PKIB: variants seen among roughly 807,000 people sequenced by gnomAD.
PKIB encodes the protein PKI-beta.
A neutral mutation model predicts 4.5 loss-of-function variants in PKIB; 2 were observed. The observed-to-expected ratio is 0.44, with a 90% CI of 0.18 to 1.39. The LOEUF is 1.39. PKIB is among the 40% of genes most tolerant of loss of function. PKIB has a pLI of 0.27. For synonymous variants in PKIB, 38 were observed against 36.0 expected, an observed-to-expected ratio of 1.06 and a Z score of -0.20; for missense variants, 94 against 92.6, an observed-to-expected ratio of 1.02 and a Z score of -0.06.
chr6:122,611,519 G>GA (rs1774754683), intron 1 of PKIB, among the ~76,000 whole-genome samples: 1 of 152,022 alleles, frequency 6.6e-6, no homozygotes, highest in African/African-American at 2.4e-5. Context: ...CGTTCATCTA[G>GA]AAAAAAAATT....
chr6:122,510,292 C>T (rs1439432407), intron 2 of PKIB, among the ~76,000 whole-genome samples: 1 of 152,040 alleles, frequency 6.6e-6, no homozygotes, highest in African/African-American at 2.4e-5. Flanking sequence ...GTATGTCATC[C>T]ATATAATGAA....
At chr6:122,683,335 T>A (rs1419972475) in intron 3 of PKIB, among the ~76,000 whole-genome samples, 1 of 152,070 alleles carries the variant, frequency 6.6e-6, no homozygotes, top group Non-Finnish European at 1.5e-5. Context: ...GGAACAGTCA[T>A]GTCACATGGC....
intron 3 of PKIB, among the ~76,000 whole-genome samples, chr6:122,704,888 A>G (rs1232637163): frequency 6.6e-6 from 1 of 152,008 alleles, no homozygotes; most frequent in Non-Finnish European, 1.5e-5. Context: ...CCATCCTTCA[A>G]CTCTACAAAA....
intron 3 of PKIB, among the ~76,000 whole-genome samples, chr6:122,692,168 C>A (rs1351610781): frequency 6.6e-6 from 1 of 152,158 alleles, no homozygotes; most frequent in Non-Finnish European, 1.5e-5. Context: ...TGAGTCTTGC[C>A]CAAGGCCCGC....
At chr6:122,598,525 T>C (rs1427200052) in intron 3 of PKIB, among the ~76,000 whole-genome samples, 1 of 152,284 alleles carries the variant, frequency 6.6e-6, no homozygotes, top group East Asian at 1.9e-4. Flanking sequence ...AGATCTGACA[T>C]ACAGAGAAGA....
rs1240124446 is a variant in PKIB at position 122,720,035 on chromosome 6, T to C, written c.169+2072T>C. On this transcript the variant is annotated intron_variant, in intron 4 of 4. Transcript: ENST00000368452. ...AGCTAAGCATAGATGTTATTATGAA[T>C]TTTAAAATGAATGGTTTCCAGTTGC... 2.0e-5 allele frequency among the ~76,000 whole-genome samples: 3 copies of C among 152,192 alleles called. No individual in the cohort carries two copies. In the South Asian group the frequency reaches 6.2e-4, roughly 31 times the overall value.
At chr6:122,586,655 C>G (rs1343652019) in intron 3 of PKIB, among the ~76,000 whole-genome samples, 1 of 152,128 alleles carries the variant, frequency 6.6e-6, no homozygotes, top group African/African-American at 2.4e-5. Flanking sequence ...CCCTGTACTT[C>G]CCCTCTACTG....
At chr6:122,609,978 A>G (rs1774679524), upstream of PKIB, among the ~76,000 whole-genome samples, 1 of 152,170 alleles carries the variant, frequency 6.6e-6, no homozygotes, top group Non-Finnish European at 1.5e-5. Flanking sequence ...GGCAACCTTA[A>G]TGACACCTGG....
chr6:122,551,818 T>G (rs1772681205), intron 2 of PKIB, among the ~76,000 whole-genome samples: 1 of 147,470 alleles, frequency 6.8e-6, no homozygotes, highest in African/African-American at 2.5e-5. Flanking sequence ...CTGGGTTAAA[T>G]GAGAGTAATC....
intron 3 of PKIB, among the ~76,000 whole-genome samples, chr6:122,598,508 C>T (rs1382605343): frequency 6.6e-6 from 1 of 152,158 alleles, no homozygotes; most frequent in Non-Finnish European, 1.5e-5. Flanking sequence ...CTGCGGTTCC[C>T]ACCATTAGAT....
At chr6:122,716,117 A>G (rs1438978817) in intron 3 of PKIB, among the ~76,000 whole-genome samples, 1 of 152,190 alleles carries the variant, frequency 6.6e-6, no homozygotes, top group Non-Finnish European at 1.5e-5. Context: ...ATTAAATGGG[A>G]TACACAAGAA....
chr6:122,640,198 G>C (rs545151961), intron 2 of PKIB, among the ~76,000 whole-genome samples: 1 of 152,114 alleles, frequency 6.6e-6, no homozygotes, highest in South Asian at 2.1e-4. Flanking sequence ...ATGTCATCTT[G>C]GGAAACATTT....
At chr6:122,643,942 G>T (rs1776213940) in intron 2 of PKIB, 2 of 152,024 alleles carry the variant, frequency 1.3e-5, no homozygotes, top group Non-Finnish European at 2.9e-5. Flanking sequence ...GTATATGTCA[G>T]TTCTGTTTGT....
chr6:122,578,859 TAGTA>T (rs556280870), intron 2 of PKIB, among the ~76,000 whole-genome samples: 243 of 152,316 alleles, frequency 1.6e-3, no homozygotes, highest in Non-Finnish European at 2.3e-3. Flanking sequence ...GTTCTCATGA[TAGTA>T]AGTGAGTTCT....
intron 1 of PKIB, among the ~76,000 whole-genome samples, chr6:122,632,723 A>G (rs959117239): frequency 2.0e-5 from 3 of 152,180 alleles, no homozygotes; most frequent in Non-Finnish European, 4.4e-5. Context: ...AATTCCAATC[A>G]CTAGATCTTG....
At chr6:122,603,265 A>G (rs1319565673) in intron 3 of PKIB, among the ~76,000 whole-genome samples, 1 of 152,186 alleles carries the variant, frequency 6.6e-6, no homozygotes, top group African/African-American at 2.4e-5. Flanking sequence ...AAATGTCATA[A>G]AGGTGCTACT....
Position 122,525,795 on chromosome 6 carries a change from G to A in PKIB, c.-248+47856G>A, listed in dbSNP as rs548285598. On this transcript the variant is annotated intron_variant, in intron 2 of 6. Transcript: ENST00000392491. Reference sequence around the variant, plus strand: ...ATCAGGGTGGTGGTTGCTGAAGGTTGAAGTGGCTGTGGCAATTTGTTAAAC... The same window carrying A: ...ATCAGGGTGGTGGTTGCTGAAGGTTAAAGTGGCTGTGGCAATTTGTTAAAC... Among the ~76,000 whole-genome samples the A allele has an allele frequency of 1.8e-4, 27 of 152,250 alleles. No homozygotes were observed. The South Asian group carries it at 2.3e-3, about 13-fold the overall frequency.
chr6:122,705,450 A>C (rs959562712), intron 3 of PKIB, among the ~76,000 whole-genome samples: 10 of 152,092 alleles, frequency 6.6e-5, no homozygotes, highest in Non-Finnish European at 1.3e-4. Context: ...TTTTCATATA[A>C]ATTTTTGGAA....
intron 2 of PKIB, chr6:122,480,941 A>G (rs1184121215): frequency 6.6e-6 from 1 of 152,176 alleles, no homozygotes; most frequent in African/African-American, 2.4e-5. Context: ...TTTTTAAAAA[A>G]CTTAATGTAG....
Sources: allele counts gnomAD v4.1 joint callset (sites outside exome capture counted in the v4.1 genomes callset), GRCh38; gene constraint gnomAD v4.1.1; transcripts MANE v1.5; gene names NCBI Gene and HGNC (gene_info 2026-07-23, HGNC 2026-07-21).